The following SYTL2 variants were observed in gnomAD, a reference collection of about 807,000 sequenced individuals.
SYTL2 encodes the protein synaptotagmin-like protein 2.
Under a neutral mutation model 198.7 loss-of-function variants are expected in SYTL2, and 165 were observed. That is an observed-to-expected ratio of 0.83 (90% CI 0.73 to 0.94). The LOEUF is 0.94. Among genes scored for constraint, SYTL2 ranks in the 40% least tolerant of loss-of-function variants. The pLI is 0.00. For missense variants in SYTL2, 2,835 were observed against 2,582.8 expected (o/e 1.10, Z -2.12); for synonymous variants, 966 against 917.7 (o/e 1.05, Z -0.95).
chr11:85,788,656 C>G (rs1175761618), intron 1 of SYTL2, among the ~76,000 whole-genome samples: 1 of 152,070 alleles, frequency 6.6e-6, no homozygotes, highest in African/African-American at 2.4e-5. Context: ...AGTAAAATAG[C>G]TAACATTCCT....
the SYTL2 span, among the ~76,000 whole-genome samples, chr11:85,826,828 C>T: frequency 4.1e-3 from 626 of 152,188 alleles, 4 homozygotes; most frequent in African/African-American, 0.014. Context: ...TGAATCCTGC[C>T]GAAAGGTCTT....
chr11:85,733,584 TTTTTTTTTTG>T (rs1342142949), intron 7 of SYTL2: 6 of 98,388 alleles, frequency 6.1e-5, no homozygotes, highest in African/African-American at 2.7e-4. Context: ...CCACCAAGTT[TTTTTTTTTTG>T]TTTTTTTTTT....
At position 85,724,179 on chromosome 11, in the gene SYTL2, T is replaced by A. The variant is rs752112596; in HGVS notation, c.5179A>T (p.Asn1727Tyr). The A allele has an allele frequency of 6.2e-7, 1 of 1,604,702 alleles. No homozygotes were observed. Among genetic ancestry groups the A allele is most frequent in the African/African-American group, 1.3e-5 (1 of 74,104 alleles). The change falls in exon 8 of 20, where the codon AAC becomes TAC. Residue 1727 changes from asparagine to tyrosine, a missense_variant. Transcript: ENST00000359152. ...TCAACTTTACTTGTTTTTGTAGAGT[T>A]TTCTTTGTTCATCAGGAGAGGAATG... ...QPIPLLMNKENSTKTSKVELT... is the reference protein window; with the variant it reads ...QPIPLLMNKEYSTKTSKVELT...
At chr11:85,854,243 A>G in the SYTL2 span, 6 of 151,386 alleles carry the variant, frequency 4.0e-5, no homozygotes, top group Non-Finnish European at 5.9e-5. Context: ...AATATTATCA[A>G]GAACTGTTAT....
the SYTL2 span, among the ~76,000 whole-genome samples, chr11:85,836,971 T>C: frequency 5.9e-5 from 9 of 152,244 alleles, no homozygotes; most frequent in Non-Finnish European, 1.2e-4. Flanking sequence ...GGCTTCACTG[T>C]TACAAAAGTT....
At chr11:85,753,608 A>T (rs1334711566) in intron 2 of SYTL2, among the ~76,000 whole-genome samples, 1 of 151,414 alleles carries the variant, frequency 6.6e-6, no homozygotes, top group East Asian at 1.9e-4. Flanking sequence ...AAGTAACAAA[A>T]CCTTTTTTTT....
At chr11:85,831,160 A>C in the SYTL2 span, among the ~76,000 whole-genome samples, 1 of 152,210 alleles carries the variant, frequency 6.6e-6, no homozygotes, top group Non-Finnish European at 1.5e-5. Flanking sequence ...GGATACTCAT[A>C]ATTCATCAAT....
intron 1 of SYTL2, among the ~76,000 whole-genome samples, chr11:85,799,215 C>A (rs1213353614): frequency 2.0e-5 from 3 of 152,162 alleles, no homozygotes; most frequent in African/African-American, 7.2e-5. Flanking sequence ...GCCTTCTGGG[C>A]TTTGGGCATT....
At chr11:85,843,142 G>A in the SYTL2 span, among the ~76,000 whole-genome samples, 1 of 152,160 alleles carries the variant, frequency 6.6e-6, no homozygotes, top group African/African-American at 2.4e-5. Context: ...GGGAGGCCGA[G>A]GCGGGCAGAT....
At chr11:85,716,714 A>ACACACACACACACACACACACT (rs1381944180) in intron 11 of SYTL2, 1 of 152,342 alleles carries the variant, frequency 6.6e-6, no homozygotes, top group Non-Finnish European at 1.5e-5. Context: ...ACACACACAC[A>ACACACACACACACACACACACT]CACACACACA....
chr11:85,850,470 T>G, the SYTL2 span, among the ~76,000 whole-genome samples: 3 of 150,776 alleles, frequency 2.0e-5, no homozygotes, highest in African/African-American at 7.3e-5. Context: ...TCAAAACCAC[T>G]ATGAGATACC....
the SYTL2 span, among the ~76,000 whole-genome samples, chr11:85,827,701 T>C: frequency 6.6e-6 from 1 of 152,164 alleles, no homozygotes; most frequent in South Asian, 2.1e-4. Flanking sequence ...AGGAAGCTTG[T>C]TCCATGTCTC....
At chr11:85,810,383 T>A (rs11234418) in intron 1 of SYTL2, among the ~76,000 whole-genome samples, 5,717 of 152,188 alleles carry the variant, frequency 0.038, 175 homozygotes, top group East Asian at 0.099. Flanking sequence ...GCCCTGTGTC[T>A]TAGACGCTAA....
At chr11:85,722,882 G>A (rs1196659430) in intron 8 of SYTL2, among the ~76,000 whole-genome samples, 1 of 152,066 alleles carries the variant, frequency 6.6e-6, no homozygotes, top group East Asian at 1.9e-4. Flanking sequence ...TCTTTGGTCA[G>A]TGTTCAAGAA....
intron 6 of SYTL2, among the ~76,000 whole-genome samples, chr11:85,734,950 T>C (rs1269747872): frequency 6.6e-6 from 1 of 152,234 alleles, no homozygotes; most frequent in East Asian, 1.9e-4. Context: ...GGAACTACTC[T>C]ATGACACTAC....
chr11:85,832,981 G>T, the SYTL2 span, among the ~76,000 whole-genome samples: 2 of 140,788 alleles, frequency 1.4e-5, no homozygotes, highest in Admixed American at 7.5e-5. Context: ...GGCCAACACA[G>T]GGAGACCCTG....
intron 8 of SYTL2, among the ~76,000 whole-genome samples, chr11:85,722,751 G>C (rs1169248524): frequency 6.6e-6 from 1 of 151,752 alleles, no homozygotes; most frequent in Non-Finnish European, 1.5e-5. Context: ...GATTTAATTA[G>C]AGATTTATAA....
At chr11:85,776,342 T>C (rs1345599618) in intron 1 of SYTL2, among the ~76,000 whole-genome samples, 1 of 152,210 alleles carries the variant, frequency 6.6e-6, no homozygotes, top group Non-Finnish European at 1.5e-5. Flanking sequence ...CATGGTTTGC[T>C]GCACCCATCA....
At chr11:85,851,409 T>G in the SYTL2 span, among the ~76,000 whole-genome samples, 1 of 152,196 alleles carries the variant, frequency 6.6e-6, no homozygotes, top group African/African-American at 2.4e-5. Context: ...ATTGTGAGAT[T>G]TAATAATAAT....
Sources: gnomAD v4.1 joint callset for allele counts (sites outside exome capture counted in the v4.1 genomes callset) on GRCh38, gnomAD v4.1.1 for gene constraint, MANE v1.5 for transcripts, NCBI Gene and HGNC (gene_info 2026-07-23, HGNC 2026-07-21) for gene names.